Variants in THSD7A observed in about 807,000 individuals in gnomAD.
The protein encoded by THSD7A is thrombospondin type-1 domain-containing protein 7A.
In THSD7A, 96 loss-of-function variants were observed where a neutral mutation model predicts 231.3. The ratio of observed to expected loss-of-function variants is 0.41; its 90% CI spans 0.35 to 0.49. The LOEUF is 0.49. Among genes scored for constraint, THSD7A ranks in the 20% least tolerant of loss-of-function variants. The probability of loss-of-function intolerance (pLI) is 0.05; values close to 1 mark genes in which losing one functional copy is unlikely to be tolerated. For missense variants in THSD7A, 2,290 were observed against 2,070.2 expected, an observed-to-expected ratio of 1.11 and a Z score of -2.06; for synonymous variants, 940 against 743.3, an observed-to-expected ratio of 1.26 and a Z score of -4.30.
intron 6 of THSD7A, among the ~76,000 whole-genome samples, chr7:11,503,507 C>T (rs1432203405): frequency 6.6e-6 from 1 of 151,980 alleles, no homozygotes; most frequent in Non-Finnish European, 1.5e-5. Context: ...AAACTATCAG[C>T]AGAGTAAACA....
In THSD7A at chr7:11,634,970, A is replaced by C. The variant is rs1781782113; in HGVS notation, c.1022+1160T>G. 6.6e-6 allele frequency among the ~76,000 whole-genome samples: 1 copy of C among 152,204 alleles called. No individual in the cohort carries two copies. Among genetic ancestry groups the C allele is most frequent in the Admixed American group, 6.5e-5 (1 of 15,286 alleles). On this transcript the variant is annotated intron_variant, in intron 2 of 27. Coordinates refer to ENST00000423059, the MANE Select transcript of THSD7A (RefSeq NM_015204.3). This position sits in a 1 kb window ranked among gnomAD's most constrained non-coding sequence, Gnocchi z 4.1. ...AAAAAAAAATCAGGTGAGAAAAAAA[A>C]TAAAGCTAAATAAAGCTAAAGATAT...
At chr7:11,481,755 G>T (rs780647124) in intron 7 of THSD7A, 33 bp downstream of exon 7, 2 of 1,536,846 alleles carry the variant, frequency 1.3e-6, no homozygotes, top group South Asian at 2.5e-5. Context: ...CTTTTGAAAC[G>T]AACCTAGATG....
chr7:11,486,233 T>C (rs961996720), intron 6 of THSD7A, among the ~76,000 whole-genome samples: 1 of 150,510 alleles, frequency 6.6e-6, no homozygotes, highest in Non-Finnish European at 1.5e-5. Flanking sequence ...TCCCTCTTCC[T>C]CACATTAAAT....
chr7:11,744,218 G>C (rs975775316), intron 1 of THSD7A, among the ~76,000 whole-genome samples: 1 of 151,698 alleles, frequency 6.6e-6, no homozygotes, highest in Non-Finnish European at 1.5e-5. Context: ...TGACCTTCAT[G>C]TCATTGACTT....
intron 1 of THSD7A, among the ~76,000 whole-genome samples, chr7:11,830,714 G>C (rs1785168128): frequency 6.6e-6 from 1 of 152,168 alleles, no homozygotes; most frequent in Non-Finnish European, 1.5e-5. Context: ...AGAGTAGACT[G>C]AGCTGTCTCT....
intron 6 of THSD7A, among the ~76,000 whole-genome samples, chr7:11,483,144 C>T (rs1786499411): frequency 6.6e-6 from 1 of 152,182 alleles, no homozygotes; most frequent in African/African-American, 2.4e-5. Context: ...CCATTCCTTA[C>T]AGAGGCTACT....
At chr7:11,407,560 C>T (rs1783628762) in intron 19 of THSD7A, 137 bp from the exon 20 acceptor site, 1 of 651,448 alleles carries the variant, frequency 1.5e-6, no homozygotes, top group East Asian at 2.7e-5. Flanking sequence ...GGAGGACAAA[C>T]ATCCAAACTA....
At chr7:11,730,670 A>G (rs919498703) in intron 1 of THSD7A, among the ~76,000 whole-genome samples, 21 of 151,668 alleles carry the variant, frequency 1.4e-4, no homozygotes, top group African/African-American at 5.1e-4. Flanking sequence ...ACTGATTGGC[A>G]GCCATAACTC....
At chr7:11,643,584 A>G (rs1782166404) in intron 1 of THSD7A, among the ~76,000 whole-genome samples, 1 of 110,208 alleles carries the variant, frequency 9.1e-6, no homozygotes, top group South Asian at 3.7e-4. Flanking sequence ...ATTTCAACAG[A>G]TACACCACAC....
intron 23 of THSD7A, chr7:11,383,946 A>C (rs1310964078): frequency 6.6e-6 from 1 of 152,012 alleles, no homozygotes; most frequent in Non-Finnish European, 1.5e-5. Context: ...AAACTAAAAT[A>C]AGATTGCAAT....
At chr7:11,502,805 G>A (rs1240620441) in intron 6 of THSD7A, among the ~76,000 whole-genome samples, 5 of 152,054 alleles carry the variant, frequency 3.3e-5, no homozygotes, top group Non-Finnish European at 7.4e-5. Context: ...AATCAGGGAA[G>A]ACACAAACAA....
rs1785205383 is a variant in THSD7A, at chr7:11,831,848, C to G, written c.99G>C (p.Pro33=). Residue 33 remains proline, a synonymous_variant, in exon 1 of 28, where the codon CCG becomes CCC. Coordinates refer to ENST00000423059, the MANE Select transcript of THSD7A (RefSeq NM_015204.3). The surrounding 1 kb of genome is among the most constrained non-coding windows in gnomAD (Gnocchi z 5.0). Reference sequence around the variant, plus strand: ...GGCGTAGCAGCAGCAGCAGGAGCAGCGGCAGCGGCAGCGGCAGCGGCAGCA... The same window carrying G: ...GGCGTAGCAGCAGCAGCAGGAGCAGGGGCAGCGGCAGCGGCAGCGGCAGCA... ...LQLLPLPLPL[P]LLLLLLLRPG... is the part of the protein sequence containing the mutation. The G allele has an allele frequency of 3.2e-6, 4 of 1,244,514 alleles. No homozygotes were observed. The highest frequency in any genetic ancestry group is 1.6e-5 in the African/African-American group (1 of 63,890). The allele number at this position is 1,244,514 out of a possible 1,614,324, so 77.1% of individuals were successfully genotyped here. A position where few individuals can be genotyped will look rare whatever the true frequency, so the allele number is the denominator to read the frequency against.
chr7:11,662,645 A>T (rs1317095618), intron 1 of THSD7A, among the ~76,000 whole-genome samples: 1 of 151,432 alleles, frequency 6.6e-6, no homozygotes, highest in Non-Finnish European at 1.5e-5. Flanking sequence ...TAAAACATTG[A>T]CCAAGATTGG....
chr7:11,557,502 C>T (rs995714806), intron 4 of THSD7A, among the ~76,000 whole-genome samples: 4 of 152,080 alleles, frequency 2.6e-5, no homozygotes, highest in East Asian at 3.9e-4. Context: ...CTCCCTGGTT[C>T]TTGGCATAAG....
chr7:11,504,364 G>C (rs1240029423), intron 6 of THSD7A, among the ~76,000 whole-genome samples: 1 of 152,072 alleles, frequency 6.6e-6, no homozygotes, highest in East Asian at 1.9e-4. Context: ...GGGGTACTGA[G>C]CTTAATACCT....
At chr7:11,798,821 G>C (rs1250236010) in intron 1 of THSD7A, among the ~76,000 whole-genome samples, 1 of 152,054 alleles carries the variant, frequency 6.6e-6, no homozygotes, top group Non-Finnish European at 1.5e-5. Context: ...CTCTATAAAG[G>C]TGGGCTACTA....
intron 1 of THSD7A, among the ~76,000 whole-genome samples, chr7:11,706,750 T>C (rs1780782711): frequency 6.7e-6 from 1 of 149,624 alleles, no homozygotes; most frequent in African/African-American, 2.4e-5. Context: ...AGGAAATGTG[T>C]TCTAATCACT....
chr7:11,512,176 A>G (rs1787838281), intron 6 of THSD7A, among the ~76,000 whole-genome samples: 1 of 152,210 alleles, frequency 6.6e-6, no homozygotes, highest in Non-Finnish European at 1.5e-5. Flanking sequence ...CAAAAGACAC[A>G]GAAAAAAATG....
At chr7:11,594,517 T>C (rs537823245) in intron 2 of THSD7A, among the ~76,000 whole-genome samples, 1 of 152,162 alleles carries the variant, frequency 6.6e-6, no homozygotes, top group African/African-American at 2.4e-5. Flanking sequence ...TAGGGAGTTA[T>C]GCAAAATAAA....
Sources: allele counts gnomAD v4.1 joint callset (sites outside exome capture counted in the v4.1 genomes callset), GRCh38; gene constraint gnomAD v4.1.1; non-coding constraint Gnocchi (gnomAD v3.1); transcripts MANE v1.5; gene names NCBI Gene and HGNC (gene_info 2026-07-23, HGNC 2026-07-21).